FRG1: variants seen among roughly 807,000 people sequenced by gnomAD.
FRG1 encodes protein FRG1.
FRG1 carries 19 observed loss-of-function variants against 37.0 expected under a neutral mutation model. The ratio of observed to expected loss-of-function variants is 0.51; its 90% CI spans 0.36 to 0.75. The LOEUF (loss-of-function observed/expected upper bound fraction) is 0.75, where lower values mean the gene tolerates loss of function less well. Among genes scored for constraint, FRG1 ranks in the 30% least tolerant of loss-of-function variants. FRG1 has a pLI of 0.00. For missense variants in FRG1, 243 were observed against 301.4 expected (o/e 0.81, Z 1.44); for synonymous variants, 73 against 96.5 (o/e 0.76, Z 1.43).
intron 1 of FRG1, among the ~76,000 whole-genome samples, 154 bp downstream of exon 1, chr4:189,941,225 C>T (rs78754618): frequency 6.6e-6 from 1 of 152,058 alleles, no homozygotes; most frequent in South Asian, 2.1e-4. Context: ...GGCCGGGCCG[C>T]GGTTCCCGGC....
intron 4 of FRG1, among the ~76,000 whole-genome samples, chr4:189,953,762 A>C (rs1338524336): frequency 6.6e-6 from 1 of 152,152 alleles, no homozygotes; most frequent in Non-Finnish European, 1.5e-5. Flanking sequence ...ATTAGAAATC[A>C]TAATTTTAAA....
At chr4:189,947,683 G>T (rs1736587669) in intron 2 of FRG1, among the ~76,000 whole-genome samples, 1 of 152,228 alleles carries the variant, frequency 6.6e-6, no homozygotes, top group Non-Finnish European at 1.5e-5. Flanking sequence ...TGTGGAGCCT[G>T]CCTGCTGCAT....
At chr4:189,962,619 G>T (rs1447925387) in intron 8 of FRG1, among the ~76,000 whole-genome samples, 8 of 152,042 alleles carry the variant, frequency 5.3e-5, no homozygotes, top group Non-Finnish European at 1.0e-4. Context: ...TTAACTAGCT[G>T]GTAGTGTTCA....
intron 1 of FRG1, 25 bp downstream of exon 1, chr4:189,941,096 G>A: frequency 6.2e-7 from 1 of 1,606,862 alleles, no homozygotes; most frequent in South Asian, 1.1e-5. Context: ...TTGGGCGGGA[G>A]CCTCCTCCGT....
chr4:189,956,392 A>C (rs1034787288), intron 5 of FRG1, among the ~76,000 whole-genome samples: 1 of 152,242 alleles, frequency 6.6e-6, no homozygotes, highest in Non-Finnish European at 1.5e-5. Context: ...CTTAGATAGT[A>C]CTAATAATAC....
chr4:189,945,442 T>G (rs937270717), intron 2 of FRG1, among the ~76,000 whole-genome samples: 4 of 152,216 alleles, frequency 2.6e-5, no homozygotes, highest in Non-Finnish European at 4.4e-5. Context: ...CTTTGTTTCT[T>G]GGGAGTTTTT....
At chr4:189,962,468 TGTGAGTGTACAAGTA>T (rs1737278302) in intron 8 of FRG1, among the ~76,000 whole-genome samples, 1 of 152,194 alleles carries the variant, frequency 6.6e-6, no homozygotes, top group Non-Finnish European at 1.5e-5. Flanking sequence ...GACGTTTAGC[TGTGAGTGTACAAGTA>T]TAAATCAATT....
intron 2 of FRG1, among the ~76,000 whole-genome samples, chr4:189,949,203 G>A (rs1736653894): frequency 6.6e-6 from 1 of 152,156 alleles, no homozygotes; most frequent in African/African-American, 2.4e-5. Flanking sequence ...GTAGAGACAG[G>A]CAACTTCAGT....
intron 2 of FRG1, among the ~76,000 whole-genome samples, chr4:189,949,006 A>G (rs546035717): frequency 2.4e-4 from 36 of 152,308 alleles, no homozygotes; most frequent in African/African-American, 8.2e-4. Context: ...AAACTATGTG[A>G]CAATATGTGT....
At chr4:189,943,055 G>A (rs1436132866) in intron 1 of FRG1, 147 bp from the exon 2 acceptor site, 2 of 822,556 alleles carry the variant, frequency 2.4e-6, no homozygotes, top group African/African-American at 3.5e-5. Context: ...TCTCAGTACT[G>A]TATTTAAGAG....
chr4:189,957,352 C>A, intron 5 of FRG1, 46 bp from the exon 6 acceptor site: 1 of 1,541,836 alleles, frequency 6.5e-7, no homozygotes, highest in Non-Finnish European at 8.8e-7. Flanking sequence ...AATGTTTCTC[C>A]CACAAGAAGT....
At chr4:189,954,655 T>G (rs1353415801) in intron 4 of FRG1, among the ~76,000 whole-genome samples, 1 of 150,302 alleles carries the variant, frequency 6.7e-6, no homozygotes, top group Non-Finnish European at 1.5e-5. Flanking sequence ...AGTGCAGTGG[T>G]GTGACCGTAT....
Position 189,952,164 on chromosome 4 carries a change from A to G in FRG1, c.136A>G (p.Ile46Val), listed in dbSNP as rs1736781395. Residue 46 changes from isoleucine to valine, a missense_variant and splice_region_variant, in exon 3 of 9, where the codon ATC becomes GTC. By Grantham distance (29) the Ile-to-Val change is conservative. This residue lies in a region of FRG1 where 110 missense variants were observed against 102.2 expected (regional missense o/e 1.08). Transcript: ENST00000226798. ...DEETQLDIVG[I>V]WWTVTNFGEI... ...GAAATATTGATTTTATTTTTTAGGA[A>G]TCTGGTGGACAGTAACAAACTTTGG... The G allele has an allele frequency of 2.6e-6, 4 of 1,560,400 alleles. No individual in the cohort carries two copies. The South Asian group carries it at 4.9e-5, about 19-fold the overall frequency.
Position 189,957,416 on chromosome 4 carries a change from G to C in FRG1, c.451G>C (p.Ala151Pro). 1.2e-6 allele frequency: 2 copies of C among 1,612,090 alleles called. No individual in the cohort carries two copies. Among genetic ancestry groups the C allele is most frequent in the East Asian group, 2.2e-5 (1 of 44,666 alleles). ...VFQNGKMALLASNSCFIRCNE... is the reference protein window; with the variant it reads ...VFQNGKMALLPSNSCFIRCNE... ...CACTTAGGGGAAAATGGCTTTGTTG[G>C]CCTCAAATAGCTGCTTTATTAGATG... The change falls in exon 6 of 9, where the codon GCC (alanine) becomes CCC (proline). Residue 151 changes from alanine to proline, a missense_variant. By Grantham distance (27) the Ala-to-Pro change is conservative. Around this residue, in one of 2 missense-constraint regions of FRG1, gnomAD observed 133 missense variants for 199.3 expected, o/e 0.67. Transcript: ENST00000226798.
chr4:189,941,413 G>A (rs1441739375), intron 1 of FRG1, among the ~76,000 whole-genome samples: 2 of 152,192 alleles, frequency 1.3e-5, no homozygotes, highest in Admixed American at 6.5e-5. Context: ...CTTTATTAGG[G>A]ATTATTATTT....
In FRG1 at chr4:189,957,450, CA is replaced by C. The variant is rs1401975768; in HGVS notation, c.486del (p.Asp164ThrfsTer2). 1 of 1,612,890 alleles carries C rather than the reference CA, an allele frequency of 6.2e-7. No homozygotes were observed. The highest frequency in any genetic ancestry group is 1.3e-5 in the African/African-American group (1 of 74,898). ...AGCTGCTTTATTAGATGCAATGAAG[CA>C]GGGGACATAGAAGCAAAAAGTAAAA... ...SNSCFIRCNEAGDIEAKSKTA... is the reference protein window; with the variant it reads ...SNSCFIRCNEXGDIEAKSKTA... On this transcript the variant is annotated frameshift_variant, in exon 6 of 9. Coordinates refer to ENST00000226798, the MANE Select transcript of FRG1 (RefSeq NM_004477.3). LOFTEE classifies it high-confidence loss of function.
intron 6 of FRG1, among the ~76,000 whole-genome samples, chr4:189,958,633 G>A (rs540385564): frequency 1.0e-3 from 153 of 152,324 alleles, no homozygotes; most frequent in African/African-American, 3.5e-3. Context: ...AGTGGCCTGT[G>A]CCCTCTCTAA....
rs1407597925 is a variant in FRG1, at chr4:189,955,068, C to G, written c.349C>G (p.Leu117Val). The G allele has an allele frequency of 6.2e-7, 1 of 1,612,884 alleles. No homozygotes were observed. Among genetic ancestry groups the G allele is most frequent in the Admixed American group, 1.7e-5 (1 of 60,010 alleles). Residue 117 changes from leucine to valine, a missense_variant, in exon 5 of 9, where the codon CTT (leucine) becomes GTT (valine). By Grantham distance (32) the Leu-to-Val change is conservative (BLOSUM62 1). Transcript: ENST00000226798. ...CCTGAAGTCTGGCTATGGAAAATAT[C>G]TTGGTATAAATTCAGATGGACTTGT... is the stretch of plus-strand genomic sequence containing the variant. ...IALKSGYGKY[L>V]GINSDGLVVG...
At chr4:189,959,417 A>G (rs965244899) in intron 6 of FRG1, among the ~76,000 whole-genome samples, 4 of 152,164 alleles carry the variant, frequency 2.6e-5, no homozygotes, top group South Asian at 2.1e-4. Context: ...CAGTCAGTTC[A>G]TGGAAATCAC....
Sources: allele counts gnomAD v4.1 joint callset (sites outside exome capture counted in the v4.1 genomes callset), GRCh38; gene constraint gnomAD v4.1.1; regional missense constraint gnomAD v4.1.1; transcripts MANE v1.5; gene names NCBI Gene and HGNC (gene_info 2026-07-23, HGNC 2026-07-21).